RSRC1: variants seen among roughly 807,000 people sequenced by gnomAD.
RSRC1 encodes arginine and serine rich coiled-coil 1, also known as serine/Arginine-related protein 53.
In RSRC1, 39 loss-of-function variants were observed where a neutral mutation model predicts 49.1. The ratio of observed to expected loss-of-function variants is 0.79; its 90% CI spans 0.61 to 1.04. The LOEUF (loss-of-function observed/expected upper bound fraction) is 1.04. Among genes scored for constraint, RSRC1 ranks in the 50% least tolerant of loss-of-function variants. RSRC1 has a pLI of 0.00. For synonymous variants in RSRC1, 143 were observed against 130.8 expected (o/e 1.09, Z -0.63); for missense variants, 388 against 402.4 (o/e 0.96, Z 0.31).
intron 6 of RSRC1, among the ~76,000 whole-genome samples, chr3:158,382,775 C>A (rs1037498389): frequency 1.3e-5 from 2 of 152,152 alleles, no homozygotes; most frequent in Admixed American, 6.6e-5. Flanking sequence ...TCTCTTTCAC[C>A]TCTTAGATGA....
intron 7 of RSRC1, among the ~76,000 whole-genome samples, chr3:158,529,637 TCTAAAC>T (rs1712263612): frequency 6.6e-6 from 1 of 151,968 alleles, no homozygotes; most frequent in East Asian, 1.9e-4. Flanking sequence ...CATCTGGCCT[TCTAAAC>T]AATGACTTAA....
chr3:158,370,626 A>T (rs1315508068), intron 6 of RSRC1, among the ~76,000 whole-genome samples: 2 of 151,644 alleles, frequency 1.3e-5, no homozygotes, highest in African/African-American at 2.4e-5. Flanking sequence ...TTGTCTGGCT[A>T]TACCAGTTTG....
chr3:158,211,757 G>A (rs1295100547), intron 4 of RSRC1, among the ~76,000 whole-genome samples: 1 of 151,878 alleles, frequency 6.6e-6, no homozygotes, highest in African/African-American at 2.4e-5. Context: ...TAGAGAAGAT[G>A]TTAACTATTA....
intron 3 of RSRC1, among the ~76,000 whole-genome samples, chr3:158,202,565 TATATA>T (rs1559941219): frequency 2.2e-5 from 3 of 137,234 alleles, no homozygotes; most frequent in Non-Finnish European, 4.6e-5. Context: ...TGGTAGATTA[TATATA>T]TATATATATA....
intron 7 of RSRC1, among the ~76,000 whole-genome samples, chr3:158,511,524 G>T: frequency 6.6e-6 from 1 of 152,160 alleles, no homozygotes. Context: ...GTCTATCATT[G>T]TTGGACATTT....
intron 4 of RSRC1, among the ~76,000 whole-genome samples, chr3:158,274,773 T>C (rs1016809998): frequency 2.6e-5 from 4 of 152,172 alleles, no homozygotes; most frequent in African/African-American, 9.7e-5. Context: ...GGCCCAACTT[T>C]GTGGAATGGT....
chr3:158,430,445 A>T lies in RSRC1; in HGVS notation c.584-30490A>T, dbSNP rs1735722554. On this transcript the variant is annotated intron_variant, in intron 6 of 9. Transcript: ENST00000611884. The stretch of plus-strand genomic sequence containing the variant: ...TAGCTGCTCTCTGGCTACCTATTAC[A>T]TAATGTACCTAATATAAATTATTGG... Among the ~76,000 whole-genome samples the T allele has an allele frequency of 2.0e-5, 3 of 151,890 alleles. No homozygotes were observed. The South Asian group carries it at 6.2e-4, about 31-fold the overall frequency.
At chr3:158,523,023 G>C (rs1404542331) in intron 7 of RSRC1, among the ~76,000 whole-genome samples, 1 of 151,988 alleles carries the variant, frequency 6.6e-6, no homozygotes, top group African/African-American at 2.4e-5. Flanking sequence ...TCAACTTTTG[G>C]CTCTAAAATC....
intron 6 of RSRC1, among the ~76,000 whole-genome samples, chr3:158,412,046 ATAGT>A (rs1201547163): frequency 3.3e-5 from 5 of 152,306 alleles, no homozygotes; most frequent in African/African-American, 1.2e-4. Context: ...TATCCTAAAG[ATAGT>A]TAAAGATGAT....
chr3:158,227,765 G>A (rs1722608176), intron 4 of RSRC1, among the ~76,000 whole-genome samples: 1 of 152,048 alleles, frequency 6.6e-6, no homozygotes, highest in South Asian at 2.1e-4. Context: ...AATATTTTCA[G>A]CTTTGTGGGC....
intron 5 of RSRC1, among the ~76,000 whole-genome samples, chr3:158,306,181 A>G (rs148466669): frequency 1.3e-3 from 192 of 152,056 alleles, no homozygotes; most frequent in Admixed American, 3.5e-3. Flanking sequence ...AAAAATGATT[A>G]TATCTTTTCC....
intron 4 of RSRC1, among the ~76,000 whole-genome samples, chr3:158,285,276 A>G (rs561858582): frequency 3.9e-5 from 6 of 152,304 alleles, no homozygotes; most frequent in South Asian, 2.1e-4. Flanking sequence ...TAGCAGTACC[A>G]TGCTGTTTTG....
chr3:158,458,274 A>G (rs892457709), intron 6 of RSRC1, among the ~76,000 whole-genome samples: 3 of 152,300 alleles, frequency 2.0e-5, no homozygotes, highest in African/African-American at 7.2e-5. Flanking sequence ...GAGTCAATAA[A>G]TAGCATGTAT....
chr3:158,344,915 G>A (rs932035593), intron 5 of RSRC1, among the ~76,000 whole-genome samples: 13 of 151,996 alleles, frequency 8.6e-5, no homozygotes, highest in African/African-American at 2.4e-4. Flanking sequence ...ATATAAAATA[G>A]CATTATAAAA....
At chr3:158,415,729 T>C (rs1734706000) in intron 6 of RSRC1, among the ~76,000 whole-genome samples, 1 of 152,058 alleles carries the variant, frequency 6.6e-6, no homozygotes, top group Non-Finnish European at 1.5e-5. Context: ...GATATAATAA[T>C]TTTACATTTC....
chr3:158,454,228 C>T (rs1164803796), intron 6 of RSRC1, among the ~76,000 whole-genome samples: 1 of 152,030 alleles, frequency 6.6e-6, no homozygotes, highest in Non-Finnish European at 1.5e-5. Flanking sequence ...ACATATAGAT[C>T]TTTCTTCTGT....
At chr3:158,323,958 GACA>G (rs1728915366) in intron 5 of RSRC1, among the ~76,000 whole-genome samples, 1 of 28,014 alleles carries the variant, frequency 3.6e-5, no homozygotes, top group African/African-American at 1.1e-4. Context: ...CACAGAGAGA[GACA>G]GAGAATCAAC....
At chr3:158,284,846 C>A (rs960662428) in intron 4 of RSRC1, among the ~76,000 whole-genome samples, 2 of 149,480 alleles carry the variant, frequency 1.3e-5, no homozygotes, top group African/African-American at 4.9e-5. Flanking sequence ...TGTAGGTTGC[C>A]TCTTCACTCT....
At chr3:158,518,114 GTGTGTGTGTGTGTATATA>G (rs1404127609) in intron 7 of RSRC1, among the ~76,000 whole-genome samples, 12 of 77,592 alleles carry the variant, frequency 1.5e-4, no homozygotes, top group Non-Finnish European at 2.7e-4. Flanking sequence ...GTGTGTGTGT[GTGTGTGTGTGTGTATATA>G]TATATATATA....
Sources: allele counts gnomAD v4.1 joint callset (sites outside exome capture counted in the v4.1 genomes callset), GRCh38; gene constraint gnomAD v4.1.1; transcripts MANE v1.5; gene names NCBI Gene and HGNC (gene_info 2026-07-23, HGNC 2026-07-21).